Variants in PDE4B observed in about 807,000 individuals in gnomAD.
The protein encoded by PDE4B is phosphodiesterase 4B.
Under a neutral mutation model 82.2 loss-of-function variants are expected in PDE4B, and 20 were observed. The observed-to-expected ratio is 0.24, with a 90% CI of 0.17 to 0.35. The LOEUF is 0.35. Ranked by LOEUF, PDE4B falls within the 10% of genes least tolerant of loss-of-function variation. The pLI is 1.00. For missense variants in PDE4B, 655 were observed against 907.2 expected (o/e 0.72, Z 3.57); for synonymous variants, 320 against 318.9 (o/e 1.00, Z -0.04).
At chr1:66,242,026 G>A (rs1383725975) in intron 3 of PDE4B, among the ~76,000 whole-genome samples, 1 of 152,170 alleles carries the variant, frequency 6.6e-6, no homozygotes. Flanking sequence ...ACTAAATGAA[G>A]GCTTCATTCC....
chr1:66,332,454 T>C, intron 7 of PDE4B, 54 bp from the exon 8 acceptor site: 1 of 1,614,128 alleles, frequency 6.2e-7, no homozygotes, highest in Non-Finnish European at 8.5e-7. Context: ...GACTCTGCTA[T>C]GGACAGCCTG....
chr1:66,192,854 T>C (rs1647949186), intron 3 of PDE4B, among the ~76,000 whole-genome samples: 1 of 152,170 alleles, frequency 6.6e-6, no homozygotes, highest in African/African-American at 2.4e-5. Flanking sequence ...TTGCCAGGCC[T>C]GTGTTAAGCA....
Position 65,956,633 on chromosome 1 carries a change from C to T in PDE4B, c.281+37798C>T, listed in dbSNP as rs145013426. Reference sequence around the variant, plus strand: ...CTAGCAAACTTCCAGTAAATGTTCGCGAAATACGTGAATAGTAAATGAGAG... The same window carrying T: ...CTAGCAAACTTCCAGTAAATGTTCGTGAAATACGTGAATAGTAAATGAGAG... On this transcript the variant is annotated intron_variant, in intron 3 of 16. Coordinates refer to ENST00000341517, the MANE Select transcript of PDE4B (RefSeq NM_002600.4). Among the ~76,000 whole-genome samples the T allele has an allele frequency of 2.1e-3, 318 of 152,146 alleles. 2 individuals carry two copies. The highest frequency in any genetic ancestry group is 7.1e-3 in the African/African-American group (293 of 41,514).
At position 66,139,735 on chromosome 1, in the gene PDE4B, C is replaced by CAAAA. The variant is rs10654385; in HGVS notation, c.282-107711_282-107708dup. Among the ~76,000 whole-genome samples the CAAAA allele has an allele frequency of 7.0e-4, 70 of 100,014 alleles. 4 individuals are homozygous for CAAAA. The highest frequency in any genetic ancestry group is 1.5e-3 in the Admixed American group (14 of 9,548). The allele number at this position is 100,014 out of a possible 152,430, so 65.6% of individuals were successfully genotyped here. A position where few individuals can be genotyped will look rare whatever the true frequency, so the allele number is the denominator to read the frequency against. ...ACTTAAATAATTCCCCCTCCCCCCT[C>CAAAA]AAAAAAAAAAAAAAAAACAAAAAAC... On this transcript the variant is annotated intron_variant, in intron 3 of 16. Transcript: ENST00000341517.
chr1:66,018,443 A>T (rs1261809452), intron 3 of PDE4B, among the ~76,000 whole-genome samples: 3 of 152,260 alleles, frequency 2.0e-5, no homozygotes, highest in Non-Finnish European at 4.4e-5. Flanking sequence ...AAAATAAAAT[A>T]AAAAAAGAGT....
chr1:65,832,358 C>T (rs1367766843), intron 1 of PDE4B, among the ~76,000 whole-genome samples: 1 of 152,086 alleles, frequency 6.6e-6, no homozygotes, highest in East Asian at 1.9e-4. Flanking sequence ...AAATGATATG[C>T]CTGCAAGAAA....
chr1:66,042,071 A>G (rs1031221538), intron 3 of PDE4B, among the ~76,000 whole-genome samples: 14 of 151,922 alleles, frequency 9.2e-5, no homozygotes, highest in Admixed American at 8.6e-4. Flanking sequence ...AGACATTTTC[A>G]AAGGAAATGC....
intron 3 of PDE4B, among the ~76,000 whole-genome samples, chr1:66,161,277 A>AAC (rs77927266): frequency 0.035 from 5,176 of 149,736 alleles, 121 homozygotes; most frequent in South Asian, 0.071. Context: ...GTCAAACCTG[A>AAC]ACACACACAC....
intron 3 of PDE4B, among the ~76,000 whole-genome samples, chr1:65,969,986 G>C (rs1650045112): frequency 6.6e-6 from 1 of 151,922 alleles, no homozygotes; most frequent in Admixed American, 6.6e-5. Flanking sequence ...AATCTCAAAA[G>C]TTCATTTAAT....
At chr1:66,210,482 G>A (rs907159320) in intron 3 of PDE4B, among the ~76,000 whole-genome samples, 1 of 150,812 alleles carries the variant, frequency 6.6e-6, no homozygotes, top group Non-Finnish European at 1.5e-5. Flanking sequence ...TGTAGTCCCG[G>A]CTACTTGGGA....
intron 1 of PDE4B, among the ~76,000 whole-genome samples, chr1:65,874,337 T>C (rs1201215557): frequency 6.6e-5 from 10 of 152,188 alleles, no homozygotes; most frequent in Admixed American, 6.5e-4. Context: ...TGGGGTTTTC[T>C]AGATATACAA....
At chr1:66,263,919 A>C (rs1193466258) in intron 6 of PDE4B, among the ~76,000 whole-genome samples, 1 of 152,200 alleles carries the variant, frequency 6.6e-6, no homozygotes, top group African/African-American at 2.4e-5. Flanking sequence ...GGCCTTGGCA[A>C]GTGTGAGTCA....
chr1:66,010,922 G>T (rs915306766), intron 3 of PDE4B, among the ~76,000 whole-genome samples: 2 of 151,164 alleles, frequency 1.3e-5, no homozygotes, highest in Non-Finnish European at 3.0e-5. Flanking sequence ...GAAAATGGAA[G>T]AAAGTCAAGG....
At chr1:65,838,657 GT>G (rs575677674) in intron 1 of PDE4B, among the ~76,000 whole-genome samples, 1 of 149,486 alleles carries the variant, frequency 6.7e-6, no homozygotes, top group South Asian at 2.1e-4. Flanking sequence ...ATATATATAT[GT>G]TTTTTTCCTC....
intron 3 of PDE4B, among the ~76,000 whole-genome samples, chr1:66,115,993 C>G (rs1645586736): frequency 6.6e-6 from 1 of 151,902 alleles, no homozygotes; most frequent in Non-Finnish European, 1.5e-5. Context: ...TTTTATATTT[C>G]TTGATTGTAT....
intron 8 of PDE4B, among the ~76,000 whole-genome samples, chr1:66,345,247 G>T (rs1167142985): frequency 6.6e-6 from 1 of 152,082 alleles, no homozygotes; most frequent in African/African-American, 2.4e-5. Flanking sequence ...CTCAAAAGTT[G>T]AGTTAAAAAT....
rs1459379327 is a variant in PDE4B, at chr1:66,099,196, C to T, written c.282-148264C>T. Among the ~76,000 whole-genome samples the T allele has an allele frequency of 3.9e-5, 6 of 152,088 alleles. 1 individual carries two copies. Among genetic ancestry groups the T allele is most frequent in the Non-Finnish European group, 8.8e-5 (6 of 68,008 alleles). ...ATGGGTTCTCATGGTTCAGCTCCAA[C>T]TTATAAGTGAGAACATGCGGTGCTT... On this transcript the variant is annotated intron_variant, in intron 3 of 16. Transcript: ENST00000341517.
intron 6 of PDE4B, among the ~76,000 whole-genome samples, chr1:66,260,201 A>G (rs892061477): frequency 2.6e-5 from 4 of 152,194 alleles, no homozygotes; most frequent in African/African-American, 9.6e-5. Flanking sequence ...CACTCTATGG[A>G]TAAGGAAACA....
intron 3 of PDE4B, among the ~76,000 whole-genome samples, chr1:66,027,861 C>A (rs540017348): frequency 2.8e-4 from 42 of 152,352 alleles, no homozygotes; most frequent in African/African-American, 9.6e-4. Context: ...CAGCTTCACC[C>A]CTGTGACTTT....
Sources: gnomAD v4.1 joint callset for allele counts (sites outside exome capture counted in the v4.1 genomes callset) on GRCh38, gnomAD v4.1.1 for gene constraint, MANE v1.5 for transcripts, NCBI Gene and HGNC (gene_info 2026-07-23, HGNC 2026-07-21) for gene names.